SPACA1: variants seen among roughly 807,000 people sequenced by gnomAD.
SPACA1 encodes sperm acrosome associated 1.
Under a neutral mutation model 32.6 loss-of-function variants are expected in SPACA1, and 17 were observed. That is an observed-to-expected ratio of 0.52 (90% CI 0.36 to 0.78). The LOEUF is 0.78. Among genes scored for constraint, SPACA1 ranks in the 30% least tolerant of loss-of-function variants. The pLI, the probability that SPACA1 is intolerant of heterozygous loss-of-function variation, is 0.01. For synonymous variants in SPACA1, 140 were observed against 138.1 expected (o/e 1.01, Z -0.10); for missense variants, 363 against 373.4 (o/e 0.97, Z 0.23).
In SPACA1 at chr6:88,057,621, T is replaced by C; in HGVS notation, c.275T>C (p.Val92Ala). ...AAATTTTAAACCAAAGGTATTGGTG[T>C]TAGAGAAGTTATATTAACAAATGGA... ...GMCTVTCGIG[V>A]REVILTNGCP... Residue 92 changes from valine (V) to alanine (A), a missense_variant, in exon 3 of 7, where the codon GTT becomes GCT. Physicochemically the swap from Val to Ala is moderately conservative, Grantham distance 64 (BLOSUM62 0). Coordinates refer to ENST00000237201, the MANE Select transcript of SPACA1 (RefSeq NM_030960.3). 1 of 1,613,008 alleles carries C rather than the reference T, an allele frequency of 6.2e-7. No homozygotes were observed. The highest frequency in any genetic ancestry group is 8.5e-7 in the Non-Finnish European group (1 of 1,179,002).
At chr6:88,048,711 C>CA (rs1322685447) in intron 1 of SPACA1, among the ~76,000 whole-genome samples, 2 of 152,150 alleles carry the variant, frequency 1.3e-5, no homozygotes, top group African/African-American at 4.8e-5. Flanking sequence ...TCAAGGGATC[C>CA]AGCTAGTGGC....
At chr6:88,055,102 G>A (rs9450869) in intron 2 of SPACA1, among the ~76,000 whole-genome samples, 219 of 151,774 alleles carry the variant, frequency 1.4e-3, no homozygotes, top group African/African-American at 5.1e-3. Flanking sequence ...AGAAATCCAT[G>A]TAGTAAGCCT....
chr6:88,051,451 G>T (rs1189795312), intron 1 of SPACA1, among the ~76,000 whole-genome samples: 2 of 152,158 alleles, frequency 1.3e-5, no homozygotes, highest in African/African-American at 4.8e-5. Flanking sequence ...GCACTCTGAT[G>T]ATATATACCA....
In SPACA1 at chr6:88,055,833, C is replaced by T. The variant is rs527751551; in HGVS notation, c.266-1779C>T. ...AAAATACAGAAAAATTAGCTGGGTG[C>T]GGTGGCACATACCTGTAGTCCCAGC... is the stretch of plus-strand genomic sequence containing the variant. On this transcript the variant is annotated intron_variant, in intron 2 of 6. Coordinates refer to ENST00000237201, the MANE Select transcript of SPACA1 (RefSeq NM_030960.3). Among the ~76,000 whole-genome samples the T allele has an allele frequency of 3.0e-3, 455 of 151,922 alleles. 1 individual carries two copies. Among genetic ancestry groups the T allele is most frequent in the Non-Finnish European group, 4.8e-3 (326 of 67,924 alleles).
Position 88,057,683 on chromosome 6 carries a change from G to A in SPACA1, c.337G>A (p.Glu113Lys), listed in dbSNP as rs370510634. 1 of 1,613,944 alleles carries A rather than the reference G, an allele frequency of 6.2e-7. No individual in the cohort carries two copies. Among genetic ancestry groups the A allele is most frequent in the African/African-American group, 1.3e-5 (1 of 74,930 alleles). ...TGAATCCAAGTGTGTTGTACGGGTA[G>A]AAGAATGCCGTGGACCAACAGATTG... ...GGESKCVVRV[E>K]ECRGPTDCGW... Residue 113 changes from glutamate to lysine, a missense_variant, in exon 3 of 7, where the codon GAA becomes AAA. Coordinates refer to ENST00000237201, the MANE Select transcript of SPACA1 (RefSeq NM_030960.3).
intron 1 of SPACA1, 122 bp downstream of exon 1, chr6:88,048,235 C>A: frequency 9.4e-7 from 1 of 1,060,536 alleles, no homozygotes; most frequent in African/African-American, 1.6e-5. Context: ...TCTCATACTT[C>A]AGCCCCGAGT....
intron 1 of SPACA1, among the ~76,000 whole-genome samples, chr6:88,049,889 C>T (rs1775703124): frequency 6.6e-6 from 1 of 152,132 alleles, no homozygotes; most frequent in Non-Finnish European, 1.5e-5. Flanking sequence ...TCTAGCTTAT[C>T]ATTAATCTTG....
chr6:88,047,606 C>T (rs1330782248), upstream of SPACA1, among the ~76,000 whole-genome samples: 2 of 152,206 alleles, frequency 1.3e-5, no homozygotes, highest in Admixed American at 1.3e-4. Context: ...CCGGAAGGCT[C>T]AAGGAGGCGC....
At chr6:88,057,759 C>T (rs1163781577) in intron 3 of SPACA1, 46 bp downstream of exon 3, 16 of 1,537,364 alleles carry the variant, frequency 1.0e-5, no homozygotes, top group Non-Finnish European at 1.3e-5. Flanking sequence ...CAAGAGTTTA[C>T]TCTGGGGAAA....
At chr6:88,052,786 G>A (rs577975211) in intron 1 of SPACA1, among the ~76,000 whole-genome samples, 5 of 152,090 alleles carry the variant, frequency 3.3e-5, no homozygotes, top group South Asian at 2.1e-4. Context: ...GCAGTGAGCC[G>A]GGATCATGCC....
rs1046088422 is a variant in SPACA1, at chr6:88,066,466, T to C, written c.*131T>C. 2.5e-6 allele frequency: 2 copies of C among 784,820 alleles called. No homozygotes were observed. The highest frequency in any genetic ancestry group is 3.7e-6 in the Non-Finnish European group (2 of 543,426). The allele number at this position is 784,820 out of a possible 1,614,324, so 48.6% of individuals were successfully genotyped here. ...GCCACAGTGTGAAGGAAATGCAGTG[T>C]GGGGATAGGACTATTTTATCAGTGC... On this transcript the variant is annotated 3_prime_UTR_variant, in exon 7 of 7. Transcript: ENST00000237201.
intron 2 of SPACA1, among the ~76,000 whole-genome samples, chr6:88,056,278 C>T (rs923038098): frequency 2.6e-5 from 4 of 152,208 alleles, no homozygotes; most frequent in Non-Finnish European, 4.4e-5. Flanking sequence ...TGCTTGAACC[C>T]GGGAGGCGGA....
chr6:88,050,910 A>C (rs1404995181), intron 1 of SPACA1, among the ~76,000 whole-genome samples: 1 of 152,162 alleles, frequency 6.6e-6, no homozygotes, highest in African/African-American at 2.4e-5. Flanking sequence ...AGTGCTTCGG[A>C]AGGCCGAGGT....
At chr6:88,048,155 GTT>G in intron 1 of SPACA1, 42 bp downstream of exon 1, 1 of 1,536,632 alleles carries the variant, frequency 6.5e-7, no homozygotes, top group Non-Finnish European at 8.8e-7. Context: ...GGAGGCCCCT[GTT>G]GACGGAGCAA....
At position 88,057,788 on chromosome 6, in the gene SPACA1, G is replaced by A. The variant is rs561741067; in HGVS notation, c.367+75G>A. On this transcript the variant is annotated intron_variant, in intron 3 of 6. Transcript: ENST00000237201. ...GGGGAAATATTTTTCACCTCAGGTT[G>A]CCACTGAGTAGAAGGAGGCAACCAG... is the stretch of plus-strand genomic sequence containing the variant. 4.4e-5 allele frequency: 56 copies of A among 1,285,940 alleles called. No individual in the cohort carries two copies. The African/African-American group carries it at 7.6e-4, about 17-fold the overall frequency. The allele number at this position is 1,285,940 out of a possible 1,614,324, so 79.7% of individuals were successfully genotyped here. A position where few individuals can be genotyped will look rare whatever the true frequency, so the allele number is the denominator to read the frequency against.
chr6:88,066,440 T>C lies in SPACA1; in HGVS notation c.*105T>C. On this transcript the variant is annotated 3_prime_UTR_variant, in exon 7 of 7. Coordinates refer to ENST00000237201, the MANE Select transcript of SPACA1 (RefSeq NM_030960.3). Reference sequence around the variant, plus strand: ...ATACTTTAATAATGTTGCGATGGATTGCCACAGTGTGAAGGAAATGCAGTG... The same window carrying C: ...ATACTTTAATAATGTTGCGATGGATCGCCACAGTGTGAAGGAAATGCAGTG... The C allele has an allele frequency of 1.8e-6, 2 of 1,102,100 alleles. No individual in the cohort carries two copies. The highest frequency in any genetic ancestry group is 1.2e-6 in the Non-Finnish European group (1 of 810,126). The allele number at this position is 1,102,100 out of a possible 1,614,324, so 68.3% of individuals were successfully genotyped here.
intron 5 of SPACA1, among the ~76,000 whole-genome samples, chr6:88,063,046 G>T (rs1259370573): frequency 6.6e-6 from 1 of 152,082 alleles, no homozygotes; most frequent in Non-Finnish European, 1.5e-5. Flanking sequence ...AAAAACTTCA[G>T]CTCATTAACA....
chr6:88,057,135 ATTTTAT>A (rs1775821777), intron 2 of SPACA1, among the ~76,000 whole-genome samples: 1 of 152,232 alleles, frequency 6.6e-6, no homozygotes, highest in Non-Finnish European at 1.5e-5. Context: ...TAAGAAGTAC[ATTTTAT>A]GTACTCTAAA....
In SPACA1 at chr6:88,047,951, G is replaced by C. The variant is rs1211553374; in HGVS notation, c.46G>C (p.Val16Leu). The C allele has an allele frequency of 6.4e-7, 1 of 1,570,756 alleles. No homozygotes were observed. The highest frequency in any genetic ancestry group is 8.6e-7 in the Non-Finnish European group (1 of 1,158,930). The change falls in exon 1 of 7, where the codon GTC (valine) becomes CTC (leucine). Residue 16 changes from valine to leucine, a missense_variant. Coordinates refer to ENST00000237201, the MANE Select transcript of SPACA1 (RefSeq NM_030960.3). ...CTGCTCCGCCGGGCTGCTGATGACT[G>C]TCGGCTGGCTGCTTCTGGCGGGCCT... is the stretch of plus-strand genomic sequence containing the variant. ...TGCSAGLLMTVGWLLLAGLQS... is the reference protein window; with the variant it reads ...TGCSAGLLMTLGWLLLAGLQS...
Sources: gnomAD v4.1 joint callset for allele counts (sites outside exome capture counted in the v4.1 genomes callset) on GRCh38, gnomAD v4.1.1 for gene constraint, MANE v1.5 for transcripts, NCBI Gene and HGNC (gene_info 2026-07-23, HGNC 2026-07-21) for gene names.